Variants in CALN1 observed in about 807,000 individuals in gnomAD.
The protein encoded by CALN1 is calcium-binding protein 8.
A neutral mutation model predicts 30.6 loss-of-function variants in CALN1; 17 were observed. The ratio of observed to expected loss-of-function variants is 0.56; its 90% CI spans 0.38 to 0.83. CALN1 has a LOEUF of 0.83. CALN1 is among the 40% of genes least tolerant of loss of function. The pLI, the probability that CALN1 is intolerant of heterozygous loss-of-function variation, is 0.00. For missense variants in CALN1, 291 were observed against 354.9 expected, an observed-to-expected ratio of 0.82 and a Z score of 1.45; for synonymous variants, 156 against 131.4, an observed-to-expected ratio of 1.19 and a Z score of -1.28.
At chr7:72,150,127 C>CA (rs61261132) in intron 3 of CALN1, among the ~76,000 whole-genome samples, 335 of 137,178 alleles carry the variant, frequency 2.4e-3, no homozygotes, top group African/African-American at 3.8e-3. Flanking sequence ...AACTCCATCT[C>CA]AAAAAAAAAA....
chr7:72,220,029 T>TA (rs896627251), intron 3 of CALN1, among the ~76,000 whole-genome samples: 2 of 151,784 alleles, frequency 1.3e-5, no homozygotes, highest in African/African-American at 4.8e-5. Flanking sequence ...AATTTTTTTT[T>TA]TATAATTTTT....
At chr7:72,435,438 T>C (rs1458378058) in intron 1 of CALN1, among the ~76,000 whole-genome samples, 1 of 152,122 alleles carries the variant, frequency 6.6e-6, no homozygotes, top group African/African-American at 2.4e-5. Flanking sequence ...CTCCTAAGTG[T>C]AAACACTGGA....
chr7:72,059,623 A>G (rs1382097630), intron 4 of CALN1, among the ~76,000 whole-genome samples: 1 of 150,974 alleles, frequency 6.6e-6, no homozygotes, highest in African/African-American at 2.4e-5. Flanking sequence ...ATGACCGTCA[A>G]TTGTGAACTC....
At chr7:72,474,736 A>G in the CALN1 span, among the ~76,000 whole-genome samples, 694 of 151,842 alleles carry the variant, frequency 4.6e-3, 4 homozygotes, top group African/African-American at 0.016. Flanking sequence ...TAAAACGATA[A>G]AACCCAACTC....
At chr7:72,501,716 G>A in the CALN1 span, among the ~76,000 whole-genome samples, 585 of 150,460 alleles carry the variant, frequency 3.9e-3, 2 homozygotes, top group African/African-American at 0.013. Context: ...AGAGACCAGC[G>A]TGACCAATAT....
intron 3 of CALN1, among the ~76,000 whole-genome samples, chr7:72,219,257 C>T (rs1793085890): frequency 6.6e-6 from 1 of 152,254 alleles, no homozygotes; most frequent in Non-Finnish European, 1.5e-5. Context: ...CAAGGTCTTG[C>T]TCTGTTGCCC....
At chr7:72,278,901 G>C (rs113019959) in intron 2 of CALN1, 91 bp from the exon 3 acceptor site, 97 of 1,495,440 alleles carry the variant, frequency 6.5e-5, no homozygotes, top group Non-Finnish European at 8.6e-5. Flanking sequence ...TTTTCAGATG[G>C]CCAGTGTCAT....
At chr7:72,336,254 C>T (rs1465434921) in intron 2 of CALN1, among the ~76,000 whole-genome samples, 1 of 152,194 alleles carries the variant, frequency 6.6e-6, no homozygotes, top group Non-Finnish European at 1.5e-5. Flanking sequence ...ACCTGGTTGC[C>T]GCCGGGCGCT....
intron 2 of CALN1, among the ~76,000 whole-genome samples, chr7:72,324,369 C>T (rs1801112715): frequency 6.6e-6 from 1 of 152,008 alleles, no homozygotes; most frequent in South Asian, 2.1e-4. Context: ...TTTCCAAGAC[C>T]ACAGCAGGGT....
rs1286358350 is a variant in CALN1 at position 72,139,659 on chromosome 7, C to T, written c.245-33365G>A. Among the ~76,000 whole-genome samples the T allele has an allele frequency of 1.3e-5, 2 of 151,924 alleles. 1 individual carries two copies. Among genetic ancestry groups the T allele is most frequent in the South Asian group, 4.2e-4 (2 of 4,796 alleles). ...CATGCCCACCTTCTTCTAAGCACCT[C>T]GGCCATGTCCACCCTCTTCTAAGCT... On this transcript the variant is annotated intron_variant, in intron 3 of 6. Transcript: ENST00000395275.
At chr7:72,462,154 T>TATGTATGTATGTATG in the CALN1 span, among the ~76,000 whole-genome samples, 1 of 151,372 alleles carries the variant, frequency 6.6e-6, no homozygotes, top group African/African-American at 2.5e-5. Flanking sequence ...TTTATTTAAT[T>TATGTATGTATGTATG]TATGTATGTA....
intron 4 of CALN1, among the ~76,000 whole-genome samples, chr7:72,068,699 G>A (rs555762906): frequency 1.6e-4 from 25 of 152,194 alleles, no homozygotes; most frequent in South Asian, 1.2e-3. Context: ...CCAGGCTAGC[G>A]AGGCTGGTCT....
intron 4 of CALN1, among the ~76,000 whole-genome samples, chr7:72,030,859 G>A (rs1801394504): frequency 6.6e-6 from 1 of 151,732 alleles, no homozygotes; most frequent in Non-Finnish European, 1.5e-5. Flanking sequence ...GGATCCTCCT[G>A]CCTCAGCTTC....
chr7:72,031,734 ATTTTTTTTTT>A (rs544026184), intron 4 of CALN1, among the ~76,000 whole-genome samples: 10 of 114,684 alleles, frequency 8.7e-5, no homozygotes, highest in South Asian at 2.6e-4. Context: ...CGCCTGGCTA[ATTTTTTTTTT>A]TTTTTTTTTT....
At chr7:72,501,505 A>G in the CALN1 span, among the ~76,000 whole-genome samples, 3 of 141,460 alleles carry the variant, frequency 2.1e-5, no homozygotes, top group African/African-American at 7.7e-5. Flanking sequence ...GAAGGATGGA[A>G]GGAAGGAAGT....
At position 71,785,023 on chromosome 7, in the gene CALN1, C is replaced by T. The variant is rs1792911700; in HGVS notation, c.*2752G>A. 5 of 395,890 alleles carry T rather than the reference C, an allele frequency of 1.3e-5. No homozygotes were observed. Among genetic ancestry groups the T allele is most frequent in the Non-Finnish European group, 2.2e-5 (5 of 224,966 alleles). The allele number at this position is 395,890 out of a possible 1,614,324, so 24.5% of individuals were successfully genotyped here. ...GCAGCCAGGGTGCAAGTCACCGGGA[C>T]AAACTCTGAGCTCCTGAAGTCTAAG... On this transcript the variant is annotated 3_prime_UTR_variant, in exon 7 of 7. Transcript: ENST00000395275.
chr7:72,297,939 A>T (rs1033581590), intron 2 of CALN1, among the ~76,000 whole-genome samples: 2 of 152,230 alleles, frequency 1.3e-5, no homozygotes, highest in Non-Finnish European at 2.9e-5. Flanking sequence ...AGTTTCTCAC[A>T]CAGTTGACAA....
intron 1 of CALN1, among the ~76,000 whole-genome samples, chr7:72,406,083 C>A (rs760881602): frequency 6.6e-6 from 1 of 152,186 alleles, no homozygotes; most frequent in Non-Finnish European, 1.5e-5. Context: ...GCCCTCACTG[C>A]GGCACTCGCG....
chr7:71,996,799 G>T (rs979509120), intron 5 of CALN1, among the ~76,000 whole-genome samples: 3 of 152,090 alleles, frequency 2.0e-5, no homozygotes, highest in Non-Finnish European at 4.4e-5. Context: ...ATTAAAAAAA[G>T]AAGTCACCAT....
Sources: allele counts gnomAD v4.1 joint callset (sites outside exome capture counted in the v4.1 genomes callset), GRCh38; gene constraint gnomAD v4.1.1; transcripts MANE v1.5; gene names NCBI Gene and HGNC (gene_info 2026-07-23, HGNC 2026-07-21).